CAMK2D: variants seen among roughly 807,000 people sequenced by gnomAD.
CAMK2D encodes the protein calcium/calmodulin dependent protein kinase II delta, also known as calcium/calmodulin-dependent protein kinase type II subunit delta.
CAMK2D carries 37 observed loss-of-function variants against 84.0 expected under a neutral mutation model. That is an observed-to-expected ratio of 0.44 (90% CI 0.34 to 0.58). CAMK2D has a LOEUF of 0.58. Among genes scored for constraint, CAMK2D ranks in the 20% least tolerant of loss-of-function variants. CAMK2D has a pLI of 0.02. For missense variants in CAMK2D, 448 were observed against 652.5 expected, an observed-to-expected ratio of 0.69 and a Z score of 3.41; for synonymous variants, 202 against 212.5, an observed-to-expected ratio of 0.95 and a Z score of 0.43.
intron 2 of CAMK2D, among the ~76,000 whole-genome samples, chr4:113,723,928 T>A (rs2099538519): frequency 1.3e-5 from 2 of 152,186 alleles, no homozygotes; most frequent in South Asian, 2.1e-4. Context: ...GTGAATAAAT[T>A]TTATTAATTG....
Position 113,454,386 on chromosome 4 carries a change from C to A in CAMK2D, c.*159G>T. 1 of 690,762 alleles carries A rather than the reference C, an allele frequency of 1.4e-6. No homozygotes were observed. The highest frequency in any genetic ancestry group is 2.7e-6 in the Non-Finnish European group (1 of 371,688). 42.8% of individuals were successfully genotyped at this position (690,762 alleles called of 1,614,324 possible). On this transcript the variant is annotated 3_prime_UTR_variant, in exon 21 of 21. Transcript: ENST00000511664. ...ATGATAAGATGATGCATCACATATG[C>A]ATTACATGTAGGACCTTCACAACTT...
intron 8 of CAMK2D, among the ~76,000 whole-genome samples, chr4:113,520,973 G>T (rs2098349815): frequency 6.9e-6 from 1 of 144,496 alleles, no homozygotes; most frequent in Non-Finnish European, 1.6e-5. Flanking sequence ...AGGCCACAGT[G>T]AACCATGATC....
intron 4 of CAMK2D, among the ~76,000 whole-genome samples, chr4:113,593,435 TA>T (rs1184592084): frequency 6.6e-6 from 1 of 151,100 alleles, no homozygotes; most frequent in Non-Finnish European, 1.5e-5. Flanking sequence ...TAGGAAAACA[TA>T]AACTTTTAAC....
At chr4:113,686,893 C>A (rs1187338690) in intron 2 of CAMK2D, among the ~76,000 whole-genome samples, 4 of 151,618 alleles carry the variant, frequency 2.6e-5, no homozygotes, top group African/African-American at 9.7e-5. Context: ...CACACACATA[C>A]ACTTCAAGTT....
chr4:113,624,634 T>C (rs2099060143), intron 3 of CAMK2D, among the ~76,000 whole-genome samples: 1 of 152,136 alleles, frequency 6.6e-6, no homozygotes, highest in Non-Finnish European at 1.5e-5. Flanking sequence ...GTCTGCAAAA[T>C]CTGGTGGTGT....
chr4:113,655,516 A>G (rs2099195566), intron 3 of CAMK2D, among the ~76,000 whole-genome samples: 2 of 152,114 alleles, frequency 1.3e-5, no homozygotes, highest in Non-Finnish European at 2.9e-5. Flanking sequence ...CCATATTATA[A>G]TGGGAAACGC....
chr4:113,472,079 T>C (rs2097552929), intron 16 of CAMK2D, among the ~76,000 whole-genome samples: 1 of 152,204 alleles, frequency 6.6e-6, no homozygotes, highest in Non-Finnish European at 1.5e-5. Context: ...ACTTTGTCTG[T>C]ATTGCTCTTC....
At chr4:113,751,228 C>G (rs2099616447) in intron 2 of CAMK2D, among the ~76,000 whole-genome samples, 1 of 152,080 alleles carries the variant, frequency 6.6e-6, no homozygotes, top group Non-Finnish European at 1.5e-5. Flanking sequence ...GTATTACTAA[C>G]AAATAACCCT....
intron 2 of CAMK2D, among the ~76,000 whole-genome samples, chr4:113,666,592 C>A (rs556029247): frequency 2.6e-4 from 40 of 152,024 alleles, no homozygotes; most frequent in Middle Eastern, 3.4e-3. Flanking sequence ...TGCACACACA[C>A]GCACGCATGC....
intron 16 of CAMK2D, among the ~76,000 whole-genome samples, chr4:113,477,597 T>C (rs2097646287): frequency 6.6e-6 from 1 of 151,838 alleles, no homozygotes; most frequent in South Asian, 2.1e-4. Flanking sequence ...AATACAAAAA[T>C]TAGCCAGGTG....
chr4:113,632,145 G>C (rs1398089757), intron 3 of CAMK2D, among the ~76,000 whole-genome samples: 1 of 152,114 alleles, frequency 6.6e-6, no homozygotes, highest in East Asian at 1.9e-4. Context: ...GATCTAAGTG[G>C]AAACATTCTC....
At chr4:113,716,761 C>CCAG (rs1311244767) in intron 2 of CAMK2D, among the ~76,000 whole-genome samples, 3 of 151,406 alleles carry the variant, frequency 2.0e-5, no homozygotes, top group African/African-American at 4.8e-5. Context: ...GTAGTAACAT[C>CCAG]CAGCAAAGTG....
chr4:113,709,925 C>G (rs890544097), intron 2 of CAMK2D, among the ~76,000 whole-genome samples: 9 of 150,470 alleles, frequency 6.0e-5, no homozygotes, highest in Non-Finnish European at 1.2e-4. Context: ...GGTGGTGGGA[C>G]TGGCAAACCT....
chr4:113,585,392 C>T (rs994287358), intron 4 of CAMK2D, among the ~76,000 whole-genome samples: 1 of 152,082 alleles, frequency 6.6e-6, no homozygotes, highest in Non-Finnish European at 1.5e-5. Flanking sequence ...TGCACGGACA[C>T]AAACATACAT....
chr4:113,475,473 C>T (rs1278436423), intron 16 of CAMK2D, among the ~76,000 whole-genome samples: 2 of 152,140 alleles, frequency 1.3e-5, no homozygotes, highest in African/African-American at 4.8e-5. Context: ...TTATTGAACT[C>T]CAAGTGATCT....
At chr4:113,711,565 A>G (rs1483079608) in intron 2 of CAMK2D, among the ~76,000 whole-genome samples, 1 of 152,212 alleles carries the variant, frequency 6.6e-6, no homozygotes, top group Non-Finnish European at 1.5e-5. Flanking sequence ...AATTGAAATG[A>G]CACAATAATA....
intron 2 of CAMK2D, among the ~76,000 whole-genome samples, chr4:113,723,730 T>C (rs2148663188): frequency 6.6e-6 from 1 of 152,302 alleles, no homozygotes; most frequent in African/African-American, 2.4e-5. Context: ...ATTGAAATTA[T>C]ACATTTCCAA....
intron 4 of CAMK2D, among the ~76,000 whole-genome samples, chr4:113,555,851 G>A (rs577441089): frequency 6.6e-5 from 10 of 152,260 alleles, no homozygotes; most frequent in African/African-American, 2.4e-4. Context: ...GCCTGTGGGA[G>A]GTAATGAGGT....
At chr4:113,556,016 C>T (rs552801497) in intron 4 of CAMK2D, among the ~76,000 whole-genome samples, 18 of 152,232 alleles carry the variant, frequency 1.2e-4, no homozygotes, top group African/African-American at 3.6e-4. Context: ...CACGCTGATA[C>T]GCTGATATCA....
Sources: gnomAD v4.1 joint callset for allele counts (sites outside exome capture counted in the v4.1 genomes callset) on GRCh38, gnomAD v4.1.1 for gene constraint, MANE v1.5 for transcripts, NCBI Gene and HGNC (gene_info 2026-07-23, HGNC 2026-07-21) for gene names.